KDM7A: variants seen among roughly 807,000 people sequenced by gnomAD.
The protein encoded by KDM7A is lysine demethylase 7A.
A neutral mutation model predicts 114.8 loss-of-function variants in KDM7A; 28 were observed. That is an observed-to-expected ratio of 0.24 (90% CI 0.18 to 0.33). The LOEUF (loss-of-function observed/expected upper bound fraction) is 0.33, where lower values mean the gene tolerates loss of function less well. Among genes scored for constraint, KDM7A ranks in the 10% least tolerant of loss-of-function variants. The probability of loss-of-function intolerance (pLI) is 1.00; values close to 1 mark genes in which losing one functional copy is unlikely to be tolerated. For synonymous variants in KDM7A, 423 were observed against 397.8 expected (o/e 1.06, Z -0.75); for missense variants, 942 against 1,142.5 (o/e 0.82, Z 2.53).
At chr7:140,125,898 GCTA>G (rs1321973800) in intron 6 of KDM7A, among the ~76,000 whole-genome samples, 11 of 150,198 alleles carry the variant, frequency 7.3e-5, no homozygotes, top group Admixed American at 2.0e-4. Context: ...ACCATGCCTG[GCTA>G]CTTTTTTTAT....
intron 2 of KDM7A, among the ~76,000 whole-genome samples, chr7:140,137,912 C>T (rs781018452): frequency 1.3e-5 from 2 of 152,088 alleles, no homozygotes; most frequent in Non-Finnish European, 2.9e-5. Flanking sequence ...TTACCTAAAA[C>T]CAACCCAAGT....
At chr7:140,107,033 CTTT>C (rs1818349639) in intron 11 of KDM7A, among the ~76,000 whole-genome samples, 2 of 152,184 alleles carry the variant, frequency 1.3e-5, no homozygotes, top group Non-Finnish European at 2.9e-5. Context: ...TAATGGCCTT[CTTT>C]GTCTCTTTTG....
intron 11 of KDM7A, among the ~76,000 whole-genome samples, chr7:140,106,012 T>A (rs1365403385): frequency 2.0e-5 from 3 of 152,232 alleles, no homozygotes; most frequent in African/African-American, 7.2e-5. Flanking sequence ...CCTGGTTTAG[T>A]CTTGGAAGGG....
intron 9 of KDM7A, among the ~76,000 whole-genome samples, chr7:140,118,256 A>C (rs1209487610): frequency 6.6e-6 from 1 of 152,386 alleles, no homozygotes; most frequent in Non-Finnish European, 1.5e-5. Flanking sequence ...AGAAAACAGA[A>C]GCAAGTGACA....
intron 7 of KDM7A, among the ~76,000 whole-genome samples, chr7:140,121,417 A>C (rs1818616260): frequency 6.6e-6 from 1 of 152,208 alleles, no homozygotes; most frequent in Non-Finnish European, 1.5e-5. Context: ...AACACAAAAC[A>C]AAAAACCCTC....
chr7:140,121,675 T>C (rs989102608), intron 7 of KDM7A, among the ~76,000 whole-genome samples: 1 of 152,168 alleles, frequency 6.6e-6, no homozygotes, highest in Non-Finnish European at 1.5e-5. Flanking sequence ...TGTGAGACAG[T>C]TCCATACAAA....
intron 11 of KDM7A, among the ~76,000 whole-genome samples, chr7:140,109,168 C>T (rs1181376718): frequency 2.6e-5 from 4 of 152,130 alleles, no homozygotes; most frequent in Non-Finnish European, 5.9e-5. Flanking sequence ...TACCGTCTGT[C>T]ACGGCTTCCC....
At chr7:140,169,611 C>T (rs766787768) in intron 1 of KDM7A, among the ~76,000 whole-genome samples, 1 of 152,090 alleles carries the variant, frequency 6.6e-6, no homozygotes, top group African/African-American at 2.4e-5. Context: ...CTGCAACCTC[C>T]GCCTCCCGGT....
At chr7:140,127,994 G>A (rs968240207) in intron 4 of KDM7A, among the ~76,000 whole-genome samples, 3 of 151,868 alleles carry the variant, frequency 2.0e-5, no homozygotes, top group Non-Finnish European at 4.4e-5. Flanking sequence ...TTTCACTTTT[G>A]TAACACCTAA....
At chr7:140,147,384 C>T (rs1324579001) in intron 1 of KDM7A, among the ~76,000 whole-genome samples, 1 of 152,070 alleles carries the variant, frequency 6.6e-6, no homozygotes, top group Non-Finnish European at 1.5e-5. Context: ...AAAGAATTTT[C>T]TTAAAATTCT....
intron 1 of KDM7A, among the ~76,000 whole-genome samples, chr7:140,160,046 A>G (rs1432069426): frequency 6.6e-6 from 1 of 152,100 alleles, no homozygotes; most frequent in Non-Finnish European, 1.5e-5. Flanking sequence ...ATTTTAGATA[A>G]TATTTTTTAT....
chr7:140,144,038 A>T (rs1010324154), intron 1 of KDM7A, among the ~76,000 whole-genome samples: 2 of 152,206 alleles, frequency 1.3e-5, no homozygotes, highest in South Asian at 4.1e-4. Context: ...CTTATAAGAA[A>T]CTCAAAAAGG....
At chr7:140,130,582 T>C (rs749439319) in intron 3 of KDM7A, among the ~76,000 whole-genome samples, 9 of 151,790 alleles carry the variant, frequency 5.9e-5, no homozygotes, top group African/African-American at 1.7e-4. Context: ...GATCTCACCA[T>C]TGCACTCCAG....
chr7:140,163,025 C>A (rs1256803382), intron 1 of KDM7A, among the ~76,000 whole-genome samples: 1 of 150,220 alleles, frequency 6.7e-6, no homozygotes, highest in South Asian at 2.1e-4. Flanking sequence ...GACAATGTCC[C>A]GCTCTGTCAC....
intron 10 of KDM7A, 54 bp downstream of exon 10, chr7:140,113,437 T>C (rs1220012680): frequency 1.9e-6 from 2 of 1,079,440 alleles, no homozygotes; most frequent in African/African-American, 3.3e-5. Context: ...AAGGACTCTG[T>C]TTTCCTAATC....
intron 9 of KDM7A, among the ~76,000 whole-genome samples, chr7:140,114,198 C>T (rs971609453): frequency 6.6e-6 from 1 of 152,118 alleles, no homozygotes; most frequent in Non-Finnish European, 1.5e-5. Flanking sequence ...CCCCTTTCCA[C>T]GGTCTCCCTC....
At chr7:140,149,938 A>G (rs929428265) in intron 1 of KDM7A, among the ~76,000 whole-genome samples, 2 of 152,232 alleles carry the variant, frequency 1.3e-5, no homozygotes, top group Non-Finnish European at 2.9e-5. Context: ...GTGAAGTTCT[A>G]CAACACATGT....
intron 11 of KDM7A, among the ~76,000 whole-genome samples, chr7:140,109,345 G>T (rs914758611): frequency 3.2e-4 from 48 of 152,326 alleles, no homozygotes; most frequent in African/African-American, 1.1e-3. Context: ...CTTCTGTGTC[G>T]CTCACGCTGG....
chr7:140,175,831 G>GT (rs398006595), intron 1 of KDM7A, among the ~76,000 whole-genome samples: 1 of 151,580 alleles, frequency 6.6e-6, no homozygotes, highest in African/African-American at 2.4e-5. Flanking sequence ...CGGCGCCCGG[G>GT]CACAGCCGCA....
Sources: allele counts gnomAD v4.1 joint callset (sites outside exome capture counted in the v4.1 genomes callset), GRCh38; gene constraint gnomAD v4.1.1; transcripts MANE v1.5; gene names NCBI Gene and HGNC (gene_info 2026-07-23, HGNC 2026-07-21).